The following COL4A3 variants were observed in gnomAD, a reference collection of about 807,000 sequenced individuals.
COL4A3 encodes collagen type IV alpha 3 chain, also known as collagen alpha-3(IV) chain.
In COL4A3, 135 loss-of-function variants were observed where a neutral mutation model predicts 217.4. That is an observed-to-expected ratio of 0.62 (90% confidence interval 0.54 to 0.72). The LOEUF is 0.72. COL4A3 is among the 30% of genes least tolerant of loss of function. The probability of loss-of-function intolerance (pLI) is 0.00; values close to 1 mark genes in which losing one functional copy is unlikely to be tolerated. For synonymous variants in COL4A3, 690 were observed against 736.3 expected, an observed-to-expected ratio of 0.94 and a Z score of 1.02; for missense variants, 1,868 against 2,119.9, an observed-to-expected ratio of 0.88 and a Z score of 2.33.
In COL4A3 at chr2:227,261,107, TG is replaced by T. The variant is rs776998364; in HGVS notation, c.1142del (p.Gly381GlufsTer19). On this transcript the variant is annotated frameshift_variant, in exon 20 of 52. Coordinates refer to ENST00000396578, the MANE Select transcript of COL4A3 (RefSeq NM_000091.5). LOFTEE classifies it high-confidence loss of function. The part of the protein sequence containing the change: ...QGPSGPPGVP[G>X]SPGSSRPGLR... ...GTCCCAGTGGTCCCCCCGGAGTTCC[TG>T]GAAGTCCTGGTATGTCCATGTTTCT... 1 of 1,611,636 alleles carries T rather than the reference TG, an allele frequency of 6.2e-7. No homozygotes were observed. The highest frequency in any genetic ancestry group is 8.5e-7 in the Non-Finnish European group (1 of 1,177,722).
intron 1 of COL4A3, among the ~76,000 whole-genome samples, chr2:227,195,705 GTGTA>G (rs2066447414): frequency 6.6e-6 from 1 of 151,284 alleles, no homozygotes; most frequent in South Asian, 2.1e-4. Flanking sequence ...GTATGTGTGT[GTGTA>G]TGCTGTAGAA....
rs867155100 is a variant in COL4A3 at position 227,280,978 on chromosome 2, A to C, written c.2460A>C (p.Pro820=). 6.4e-7 allele frequency: 1 copy of C among 1,565,268 alleles called. No homozygotes were observed. Among genetic ancestry groups the C allele is most frequent in the South Asian group, 1.2e-5 (1 of 84,682 alleles). ...IEGPRGAQGL[P]GLNGLKGQQG... ...GTCCCAGGGGAGCCCAAGGACTTCC[A>C]GGCTTAAATGGATTGAAAGGGCAAC... is the stretch of plus-strand genomic sequence containing the variant. The change falls in exon 31 of 52, where the codon CCA becomes CCC. Residue 820 remains proline, a synonymous_variant. Transcript: ENST00000396578.
intron 26 of COL4A3, among the ~76,000 whole-genome samples, chr2:227,276,130 G>A (rs1282882093): frequency 6.6e-6 from 1 of 152,210 alleles, no homozygotes; most frequent in Non-Finnish European, 1.5e-5. Context: ...TCATCTGTGA[G>A]TTATCTCAGA....
intron 8 of COL4A3, among the ~76,000 whole-genome samples, chr2:227,247,801 T>C (rs1386664964): frequency 6.6e-6 from 1 of 152,198 alleles, no homozygotes; most frequent in Non-Finnish European, 1.5e-5. Context: ...AGGTTTTGTA[T>C]CACTGTTGAA....
At chr2:227,279,266 T>A (rs769940766) in intron 28 of COL4A3, among the ~76,000 whole-genome samples, 4 of 151,784 alleles carry the variant, frequency 2.6e-5, no homozygotes, top group Non-Finnish European at 5.9e-5. Context: ...GTTGTTTTTT[T>A]TGTTGTTGTT....
intron 2 of COL4A3, among the ~76,000 whole-genome samples, chr2:227,239,681 A>G (rs1559856291): frequency 6.6e-6 from 1 of 152,214 alleles, no homozygotes; most frequent in Non-Finnish European, 1.5e-5. Context: ...TGTATTAAAG[A>G]AAGGGCTCAG....
chr2:227,217,010 C>T (rs1381844937), intron 1 of COL4A3, among the ~76,000 whole-genome samples: 1 of 152,124 alleles, frequency 6.6e-6, no homozygotes, highest in African/African-American at 2.4e-5. Flanking sequence ...TCTCACACTG[C>T]TGATAAAGAT....
intron 23 of COL4A3, among the ~76,000 whole-genome samples, chr2:227,267,566 C>G (rs1382314523): frequency 6.6e-6 from 1 of 152,206 alleles, no homozygotes. Context: ...GCAACATCCT[C>G]CGTGCTGGGG....
chr2:227,185,267 A>G (rs2065993884), intron 1 of COL4A3, among the ~76,000 whole-genome samples: 1 of 152,142 alleles, frequency 6.6e-6, no homozygotes, highest in South Asian at 2.1e-4. Flanking sequence ...CCAAATTGTA[A>G]AAAGCAGAAA....
intron 1 of COL4A3, among the ~76,000 whole-genome samples, chr2:227,182,090 C>T (rs1483085846): frequency 6.6e-6 from 1 of 152,144 alleles, no homozygotes; most frequent in Non-Finnish European, 1.5e-5. Flanking sequence ...CTCAGCATTA[C>T]TTCTAGAATA....
Position 227,254,550 on chromosome 2 carries a change from C to T in COL4A3, c.829-106C>T. On this transcript the variant is annotated intron_variant, in intron 14 of 51. Transcript: ENST00000396578. ...TCTCTTAGATGGCTCAGCACTGAAA[C>T]ATGTTTTTAAATGGCAGAATAACCA... 5 of 911,394 alleles carry T rather than the reference C, an allele frequency of 5.5e-6. No homozygotes were observed. The South Asian group carries it at 6.6e-5, about 12-fold the overall frequency. The allele number at this position is 911,394 out of a possible 1,614,324, so 56.5% of individuals were successfully genotyped here.
chr2:227,284,157 C>T (rs2072172131), intron 33 of COL4A3, 54 bp from the exon 34 acceptor site: 1 of 1,612,180 alleles, frequency 6.2e-7, no homozygotes, highest in South Asian at 1.1e-5. Flanking sequence ...CTTTTTAATC[C>T]CTATGAACTA....
At chr2:227,171,937 C>T (rs1476383790) in intron 1 of COL4A3, among the ~76,000 whole-genome samples, 1 of 152,216 alleles carries the variant, frequency 6.6e-6, no homozygotes. Context: ...GGTCCCTTCT[C>T]TCCTGATTCT....
chr2:227,248,564 C>A, intron 9 of COL4A3, 44 bp downstream of exon 9: 2 of 1,066,750 alleles, frequency 1.9e-6, no homozygotes, highest in Non-Finnish European at 1.4e-6. Flanking sequence ...CAGTTTTTCA[C>A]TCTCTCTCTC....
At chr2:227,243,623 T>C (rs1222592329) in intron 3 of COL4A3, among the ~76,000 whole-genome samples, 1 of 152,150 alleles carries the variant, frequency 6.6e-6, no homozygotes, top group Admixed American at 6.5e-5. Flanking sequence ...AAATTAAAAA[T>C]CAAAACATAC....
rs1485517499 is a variant in COL4A3 at position 227,250,933 on chromosome 2, AG to A, written c.547-206del. 2.6e-5 allele frequency among the ~76,000 whole-genome samples: 4 copies of A among 152,250 alleles called. No individual in the cohort carries two copies. Among genetic ancestry groups the A allele is most frequent in the Admixed American group, 6.5e-5 (1 of 15,288 alleles). On this transcript the variant is annotated intron_variant, in intron 9 of 51. Coordinates refer to ENST00000396578, the MANE Select transcript of COL4A3 (RefSeq NM_000091.5). This position sits in a 1 kb window ranked among gnomAD's most constrained non-coding sequence, Gnocchi z 4.1. ...GTAAAGCAACTACTTTGGTCATTTT[AG>A]AAATGTTATCGTCCAGTTGGTCCTG... is the stretch of plus-strand genomic sequence containing the variant.
chr2:227,188,715 A>G (rs969011941), intron 1 of COL4A3, among the ~76,000 whole-genome samples: 4 of 152,212 alleles, frequency 2.6e-5, no homozygotes, highest in Non-Finnish European at 5.9e-5. Context: ...ACTGACATGT[A>G]TATGGTATTA....
intron 11 of COL4A3, among the ~76,000 whole-genome samples, chr2:227,252,595 C>T (rs112363172): frequency 4.2e-5 from 6 of 143,106 alleles, no homozygotes; most frequent in Non-Finnish European, 7.5e-5. Context: ...TGCACACACA[C>T]ACACACACAC....
chr2:227,293,373 T>C lies in COL4A3; in HGVS notation c.3337+56T>C, dbSNP rs897553023. ...GGAAGCATTACTCAGAGTATAGCCC[T>C]CCTGAAATCATTGTGGTAAACAGAA... is the stretch of plus-strand genomic sequence containing the variant. On this transcript the variant is annotated intron_variant, in intron 38 of 51. Transcript: ENST00000396578. The C allele has an allele frequency of 4.4e-6, 7 of 1,577,488 alleles. No homozygotes were observed. In the African/African-American group the frequency reaches 8.2e-5, roughly 18 times the overall value.
Sources: allele counts gnomAD v4.1 joint callset (sites outside exome capture counted in the v4.1 genomes callset), GRCh38; gene constraint gnomAD v4.1.1; non-coding constraint Gnocchi (gnomAD v3.1); transcripts MANE v1.5; gene names NCBI Gene and HGNC (gene_info 2026-07-23, HGNC 2026-07-21).